The following EPHA6 variants were observed in gnomAD, a reference collection of about 807,000 sequenced individuals.
EPHA6 encodes EPH receptor A6.
In EPHA6, 50 loss-of-function variants were observed where a neutral mutation model predicts 112.0. The observed-to-expected ratio is 0.45, with a 90% confidence interval of 0.36 to 0.56. The LOEUF (loss-of-function observed/expected upper bound fraction) is 0.56. Among genes scored for constraint, EPHA6 ranks in the 20% least tolerant of loss-of-function variants. The probability of loss-of-function intolerance (pLI) is 0.00; values close to 1 mark genes in which losing one functional copy is unlikely to be tolerated. For missense variants in EPHA6, 1,280 were observed against 1,417.4 expected (o/e 0.90, Z 1.56); for synonymous variants, 529 against 490.7 (o/e 1.08, Z -1.03).
chr3:97,689,440 G>T (rs1375401128), intron 14 of EPHA6, among the ~76,000 whole-genome samples: 1 of 152,100 alleles, frequency 6.6e-6, no homozygotes, highest in African/African-American at 2.4e-5. Context: ...ATTTTATTTA[G>T]AAGGGTAATT....
chr3:97,081,102 G>T (rs975158949), intron 3 of EPHA6, among the ~76,000 whole-genome samples: 5 of 151,002 alleles, frequency 3.3e-5, no homozygotes, highest in African/African-American at 1.2e-4. Flanking sequence ...AAAAAAAAAA[G>T]ATTTTTGTCA....
rs148074440 is a variant in EPHA6, at chr3:97,075,907, T to A, written c.1114+87914T>A. 5.5e-3 allele frequency among the ~76,000 whole-genome samples: 834 copies of A among 152,180 alleles called. 6 individuals carry two copies. Among genetic ancestry groups the A allele is most frequent in the Non-Finnish European group, 9.4e-3 (640 of 67,988 alleles). On this transcript the variant is annotated intron_variant, in intron 3 of 17. Transcript: ENST00000389672. The stretch of plus-strand genomic sequence containing the variant: ...ATTGTTTGGGGTGTTATGAACCATG[T>A]TCATCAAAGATAGTAAACTTAATCC...
intron 13 of EPHA6, among the ~76,000 whole-genome samples, chr3:97,629,522 C>T (rs913388140): frequency 4.0e-5 from 6 of 151,790 alleles, no homozygotes; most frequent in Admixed American, 2.0e-4. Context: ...TTAACTGATA[C>T]CATGAAATTA....
At chr3:96,964,875 CA>C (rs558225285) in intron 2 of EPHA6, among the ~76,000 whole-genome samples, 129 of 152,138 alleles carry the variant, frequency 8.5e-4, no homozygotes, top group Admixed American at 2.5e-3. Flanking sequence ...ATAGTATTGT[CA>C]AAAGAAAAAC....
At chr3:97,616,782 T>G (rs1242343822) in intron 13 of EPHA6, among the ~76,000 whole-genome samples, 1 of 151,992 alleles carries the variant, frequency 6.6e-6, no homozygotes, top group Admixed American at 6.6e-5. Flanking sequence ...TAGGATTATG[T>G]AAAAAGATCA....
intron 1 of EPHA6, among the ~76,000 whole-genome samples, chr3:96,842,607 A>G (rs1207877217): frequency 6.6e-6 from 1 of 152,116 alleles, no homozygotes; most frequent in Non-Finnish European, 1.5e-5. Flanking sequence ...TTATGCTGAC[A>G]TTCTCCCAGT....
intron 4 of EPHA6, among the ~76,000 whole-genome samples, chr3:97,238,533 G>C (rs2078746773): frequency 6.6e-6 from 1 of 151,856 alleles, no homozygotes; most frequent in Non-Finnish European, 1.5e-5. Flanking sequence ...TGCATTATTT[G>C]CTAAGTGTCA....
chr3:97,217,907 A>G (rs868301774), intron 3 of EPHA6, among the ~76,000 whole-genome samples: 37 of 152,346 alleles, frequency 2.4e-4, no homozygotes, highest in Middle Eastern at 3.4e-3. Flanking sequence ...GTGAAAAGCC[A>G]TAGAGTATGT....
intron 16 of EPHA6, among the ~76,000 whole-genome samples, chr3:97,736,337 TTCTC>T (rs1247852378): frequency 1.3e-5 from 2 of 152,024 alleles, no homozygotes; most frequent in Non-Finnish European, 2.9e-5. Context: ...CCCCTTCCTT[TTCTC>T]TCTCTCCAAT....
chr3:97,352,043 G>C (rs991585), intron 5 of EPHA6, among the ~76,000 whole-genome samples: 4 of 152,002 alleles, frequency 2.6e-5, no homozygotes, highest in Admixed American at 1.3e-4. Flanking sequence ...ATTTTATTCT[G>C]TACTTAAGAC....
chr3:97,572,047 A>G (rs980048074), intron 11 of EPHA6, among the ~76,000 whole-genome samples: 4 of 151,928 alleles, frequency 2.6e-5, no homozygotes, highest in Non-Finnish European at 4.4e-5. Flanking sequence ...AGCTATCTTC[A>G]TCTTGGCAAT....
At chr3:97,548,108 A>G (rs902095519) in intron 11 of EPHA6, among the ~76,000 whole-genome samples, 1 of 152,184 alleles carries the variant, frequency 6.6e-6, no homozygotes, top group Non-Finnish European at 1.5e-5. Flanking sequence ...CAGTGAGATG[A>G]ACCCGGTTCC....
At chr3:97,263,294 A>G (rs751147860) in intron 5 of EPHA6, among the ~76,000 whole-genome samples, 1 of 152,098 alleles carries the variant, frequency 6.6e-6, no homozygotes, top group Non-Finnish European at 1.5e-5. Flanking sequence ...ATTCATTGAT[A>G]TATTCTCAGG....
intron 2 of EPHA6, among the ~76,000 whole-genome samples, chr3:96,967,931 G>A (rs150970530): frequency 1.3e-4 from 20 of 151,800 alleles, no homozygotes; most frequent in Non-Finnish European, 2.4e-4. Flanking sequence ...TGGATATTTA[G>A]CAATTATTGT....
At chr3:97,164,562 T>C in intron 3 of EPHA6, among the ~76,000 whole-genome samples, 1 of 152,094 alleles carries the variant, frequency 6.6e-6, no homozygotes, top group East Asian at 1.9e-4. Context: ...TAAATATTAT[T>C]TAAAATTGTG....
chr3:97,038,944 A>G (rs1473053354), intron 3 of EPHA6, among the ~76,000 whole-genome samples: 1 of 152,016 alleles, frequency 6.6e-6, no homozygotes, highest in Non-Finnish European at 1.5e-5. Flanking sequence ...TGACTCTCAG[A>G]TATTTCTGGT....
intron 3 of EPHA6, among the ~76,000 whole-genome samples, chr3:97,141,063 A>T (rs2075888655): frequency 6.6e-6 from 1 of 152,152 alleles, no homozygotes; most frequent in Non-Finnish European, 1.5e-5. Context: ...TAAATCAACA[A>T]CAGTAAAAAA....
intron 3 of EPHA6, among the ~76,000 whole-genome samples, chr3:97,009,167 C>T (rs529801112): frequency 1.3e-5 from 2 of 152,120 alleles, no homozygotes; most frequent in African/African-American, 4.8e-5. Flanking sequence ...GGAGGGAAAC[C>T]CACTAGTCTG....
In EPHA6 at chr3:96,946,329, C is replaced by G. The variant is rs574874994; in HGVS notation, c.451-41001C>G. Among the ~76,000 whole-genome samples, 126 of 152,082 alleles carry G rather than the reference C, an allele frequency of 8.3e-4. 1 individual carries two copies. The highest frequency in any genetic ancestry group is 2.8e-3 in the African/African-American group (117 of 41,456). On this transcript the variant is annotated intron_variant, in intron 2 of 17. Coordinates refer to ENST00000389672, the MANE Select transcript of EPHA6 (RefSeq NM_001080448.3). ...CTAATGCTATCCCTCCCCCCCTTCCCCCACCCCACGACAGGCCCCGGTGTG... is the reference window on the plus strand; with the variant it reads ...CTAATGCTATCCCTCCCCCCCTTCCGCCACCCCACGACAGGCCCCGGTGTG...
Sources: gnomAD v4.1 joint callset for allele counts (sites outside exome capture counted in the v4.1 genomes callset) on GRCh38, gnomAD v4.1.1 for gene constraint, MANE v1.5 for transcripts, NCBI Gene and HGNC (gene_info 2026-07-23, HGNC 2026-07-21) for gene names.